Variants in GALNTL6 observed in about 807,000 individuals in gnomAD.
GALNTL6 encodes the protein polypeptide N-acetylgalactosaminyltransferase like 6, also known as polypeptide N-acetylgalactosaminyltransferase-like 6.
A neutral mutation model predicts 73.7 loss-of-function variants in GALNTL6; 46 were observed. That is an observed-to-expected ratio of 0.62 (90% confidence interval 0.49 to 0.80). The LOEUF (loss-of-function observed/expected upper bound fraction) is 0.80, where lower values mean the gene tolerates loss of function less well. GALNTL6 is among the 30% of genes least tolerant of loss of function. GALNTL6 has a pLI of 0.00. For synonymous variants in GALNTL6, 259 were observed against 263.7 expected, an observed-to-expected ratio of 0.98 and a Z score of 0.17; for missense variants, 604 against 755.0, an observed-to-expected ratio of 0.80 and a Z score of 2.34.
At chr4:172,837,556 A>G (rs1742974095) in intron 7 of GALNTL6, among the ~76,000 whole-genome samples, 1 of 152,236 alleles carries the variant, frequency 6.6e-6, no homozygotes, top group Non-Finnish European at 1.5e-5. Flanking sequence ...CATTCCATAA[A>G]TATTTGTTAG....
chr4:172,181,892 T>C (rs886841027), intron 2 of GALNTL6, among the ~76,000 whole-genome samples: 1 of 151,928 alleles, frequency 6.6e-6, no homozygotes, highest in Non-Finnish European at 1.5e-5. Context: ...ATTTTTTTTG[T>C]ATTTTTAGTA....
chr4:171,955,260 G>A (rs1409832595), intron 2 of GALNTL6, among the ~76,000 whole-genome samples: 1 of 151,856 alleles, frequency 6.6e-6, no homozygotes, highest in African/African-American at 2.4e-5. Context: ...TTCCACCACC[G>A]AAGTACAATA....
intron 2 of GALNTL6, among the ~76,000 whole-genome samples, chr4:172,041,633 T>A (rs920771659): frequency 6.6e-6 from 1 of 152,094 alleles, no homozygotes; most frequent in African/African-American, 2.4e-5. Context: ...ATTGCCTACA[T>A]TAGAACTATT....
At chr4:173,022,072 AAGGAAGGAAGGAAGGAAAGAAG>A (rs1753021880) in intron 12 of GALNTL6, among the ~76,000 whole-genome samples, 1 of 139,392 alleles carries the variant, frequency 7.2e-6, no homozygotes, top group Non-Finnish European at 1.6e-5. Context: ...GGAAGGAAGG[AAGGAAGGAAGGAAGGAAAGAAG>A]GAAGGAAGGA....
At chr4:172,784,194 C>A (rs543427685) in intron 5 of GALNTL6, among the ~76,000 whole-genome samples, 9 of 152,002 alleles carry the variant, frequency 5.9e-5, no homozygotes, top group Non-Finnish European at 8.8e-5. Context: ...AGTTTCAGTA[C>A]ATAACCTCAT....
intron 2 of GALNTL6, among the ~76,000 whole-genome samples, chr4:172,062,886 C>T (rs902026870): frequency 6.6e-6 from 1 of 152,258 alleles, no homozygotes; most frequent in Non-Finnish European, 1.5e-5. Context: ...TACCTCCTTT[C>T]TGCTTCCTTT....
At chr4:172,709,125 A>G (rs10034894) in intron 5 of GALNTL6, among the ~76,000 whole-genome samples, 6,914 of 152,222 alleles carry the variant, frequency 0.045, 312 homozygotes, top group African/African-American at 0.11. Context: ...TACTCAAAAG[A>G]GTTGATGATC....
chr4:172,649,854 T>C (rs1740397646), intron 5 of GALNTL6, among the ~76,000 whole-genome samples: 1 of 152,212 alleles, frequency 6.6e-6, no homozygotes, highest in Non-Finnish European at 1.5e-5. Flanking sequence ...ATTTTTCTTA[T>C]AAATTGAGGA....
chr4:172,957,816 G>A (rs1293442300), intron 10 of GALNTL6, among the ~76,000 whole-genome samples: 1 of 152,148 alleles, frequency 6.6e-6, no homozygotes, highest in Non-Finnish European at 1.5e-5. Context: ...AGTGGAGGGG[G>A]GCAGAGCAGT....
At chr4:172,312,512 A>G (rs932726911) in intron 4 of GALNTL6, among the ~76,000 whole-genome samples, 1 of 152,192 alleles carries the variant, frequency 6.6e-6, no homozygotes, top group Non-Finnish European at 1.5e-5. Flanking sequence ...TGGCACATGT[A>G]TCTGATAAAT....
At chr4:172,733,302 G>T (rs1025077117) in intron 5 of GALNTL6, among the ~76,000 whole-genome samples, 2 of 152,094 alleles carry the variant, frequency 1.3e-5, no homozygotes, top group African/African-American at 4.8e-5. Context: ...CAAACTAATT[G>T]TAGCTCCCTT....
At chr4:172,331,282 G>A (rs1180976325) in intron 4 of GALNTL6, among the ~76,000 whole-genome samples, 2 of 150,294 alleles carry the variant, frequency 1.3e-5, no homozygotes, top group Admixed American at 6.6e-5. Flanking sequence ...AGTAGTTTTT[G>A]TTTTGTTTTG....
intron 2 of GALNTL6, among the ~76,000 whole-genome samples, chr4:172,212,906 A>G (rs1215648953): frequency 6.6e-6 from 1 of 152,012 alleles, no homozygotes; most frequent in Non-Finnish European, 1.5e-5. Context: ...CCCGACCTCA[A>G]GTGATCCGCC....
chr4:172,940,710 A>G (rs552558053), intron 9 of GALNTL6, among the ~76,000 whole-genome samples: 3 of 151,610 alleles, frequency 2.0e-5, no homozygotes, highest in East Asian at 2.0e-4. Context: ...GTCTCACTCT[A>G]TTGCCCAGGC....
At chr4:172,689,445 A>G (rs1460345436) in intron 5 of GALNTL6, among the ~76,000 whole-genome samples, 1 of 152,254 alleles carries the variant, frequency 6.6e-6, no homozygotes, top group East Asian at 1.9e-4. Flanking sequence ...GACATCTATG[A>G]AAACATTTTG....
intron 8 of GALNTL6, among the ~76,000 whole-genome samples, chr4:172,899,393 G>A (rs565038870): frequency 8.5e-5 from 13 of 152,102 alleles, no homozygotes; most frequent in African/African-American, 2.4e-4. Context: ...TCACTCAAAC[G>A]TATCTAACGT....
At chr4:173,003,764 T>C (rs1052569699) in intron 10 of GALNTL6, among the ~76,000 whole-genome samples, 1 of 152,212 alleles carries the variant, frequency 6.6e-6, no homozygotes, top group African/African-American at 2.4e-5. Context: ...TGTCCTTCTG[T>C]CATTTTACTG....
rs58279803 is a variant in GALNTL6 at position 172,658,149 on chromosome 4, C to CAAAAAAAAAAAAA, written c.554-151204_554-151192dup. ...TGGGTGACAGAGCGAGACTCCGTCT[C>CAAAAAAAAAAAAA]AAAAAAAAAAAAAAAAAAAAGAAAT... On this transcript the variant is annotated intron_variant, in intron 5 of 12. Coordinates refer to ENST00000506823, the MANE Select transcript of GALNTL6 (RefSeq NM_001034845.3). Among the ~76,000 whole-genome samples, 2 of 5,020 alleles carry CAAAAAAAAAAAAA rather than the reference C, an allele frequency of 4.0e-4. 1 individual carries two copies. The highest frequency in any genetic ancestry group is 6.8e-4 in the Non-Finnish European group (2 of 2,948). 3.3% of individuals were successfully genotyped at this position (5,020 alleles called of 152,430 possible). A position where few individuals can be genotyped will look rare whatever the true frequency, so the allele number is the denominator to read the frequency against.
chr4:172,331,748 A>G (rs1412399539), intron 4 of GALNTL6, among the ~76,000 whole-genome samples: 3 of 152,260 alleles, frequency 2.0e-5, no homozygotes, highest in African/African-American at 7.2e-5. Context: ...TTATTTATGT[A>G]TATACCACAT....
Sources: allele counts gnomAD v4.1 joint callset (sites outside exome capture counted in the v4.1 genomes callset), GRCh38; gene constraint gnomAD v4.1.1; transcripts MANE v1.5; gene names NCBI Gene and HGNC (gene_info 2026-07-23, HGNC 2026-07-21).